ANKRD30B: variants seen among roughly 807,000 people sequenced by gnomAD.
ANKRD30B encodes ankyrin repeat domain 30B.
In ANKRD30B, 144 loss-of-function variants were observed where a neutral mutation model predicts 202.2. That is an observed-to-expected ratio of 0.71 (90% CI 0.62 to 0.82). ANKRD30B has a LOEUF of 0.82. Among genes scored for constraint, ANKRD30B ranks in the 40% least tolerant of loss-of-function variants. The probability of loss-of-function intolerance (pLI) is 0.00; values close to 1 mark genes in which losing one functional copy is unlikely to be tolerated. For synonymous variants in ANKRD30B, 508 were observed against 561.3 expected (o/e 0.91, Z 1.34); for missense variants, 1,487 against 1,669.1 (o/e 0.89, Z 1.90).
At chr18:14,817,250 A>T (rs1473408540) in intron 30 of ANKRD30B, among the ~76,000 whole-genome samples, 1 of 152,192 alleles carries the variant, frequency 6.6e-6, no homozygotes, top group East Asian at 1.9e-4. Flanking sequence ...AGTAATTAAA[A>T]TGCAAGGATT....
At chr18:14,864,533 C>T in the ANKRD30B span, among the ~76,000 whole-genome samples, 4 of 151,898 alleles carry the variant, frequency 2.6e-5, no homozygotes, top group Admixed American at 2.0e-4. Context: ...CCATTTTTTC[C>T]CCACTGTCTT....
At chr18:14,856,390 T>C (rs76263814), downstream of ANKRD30B, among the ~76,000 whole-genome samples, 1 of 113,648 alleles carries the variant, frequency 8.8e-6, no homozygotes, top group East Asian at 2.7e-4. Flanking sequence ...ATGGGGAGGC[T>C]GGGCAGAGGC....
chr18:14,776,599 C>A (rs963676197), intron 9 of ANKRD30B, among the ~76,000 whole-genome samples: 4 of 152,164 alleles, frequency 2.6e-5, no homozygotes, highest in Admixed American at 2.0e-4. Context: ...GGTAACCACC[C>A]ATGTCATCGT....
chr18:14,898,324 C>A, the ANKRD30B span, among the ~76,000 whole-genome samples: 1 of 152,136 alleles, frequency 6.6e-6, no homozygotes, highest in Non-Finnish European at 1.5e-5. Context: ...AACTGTTCCA[C>A]TTCAAATCGT....
the ANKRD30B span, among the ~76,000 whole-genome samples, chr18:14,925,812 C>G: frequency 6.6e-6 from 1 of 152,028 alleles, no homozygotes; most frequent in Non-Finnish European, 1.5e-5. Flanking sequence ...CCCAGAGGCC[C>G]GAGGGAGAGA....
intron 15 of ANKRD30B, among the ~76,000 whole-genome samples, chr18:14,789,760 T>C (rs1968339213): frequency 6.6e-6 from 1 of 152,340 alleles, no homozygotes; most frequent in African/African-American, 2.4e-5. Flanking sequence ...ATCTCTGTTT[T>C]GGTACCAGTA....
At chr18:14,934,759 A>G in the ANKRD30B span, among the ~76,000 whole-genome samples, 1 of 152,222 alleles carries the variant, frequency 6.6e-6, no homozygotes, top group Admixed American at 6.5e-5. Flanking sequence ...AGCAGCCAGA[A>G]CTGCTGAAAC....
chr18:14,898,966 G>C, the ANKRD30B span, among the ~76,000 whole-genome samples: 1 of 152,092 alleles, frequency 6.6e-6, no homozygotes, highest in East Asian at 1.9e-4. Flanking sequence ...ATCTCAGCAA[G>C]AACTGGACTG....
the ANKRD30B span, among the ~76,000 whole-genome samples, chr18:14,935,127 AG>A: frequency 3.9e-5 from 6 of 152,186 alleles, no homozygotes; most frequent in African/African-American, 1.4e-4. Flanking sequence ...ATAGCATGCT[AG>A]TCTCATGAAT....
chr18:14,810,444 G>A (rs1197729432), intron 28 of ANKRD30B, among the ~76,000 whole-genome samples: 4 of 151,158 alleles, frequency 2.6e-5, no homozygotes, highest in Non-Finnish European at 5.9e-5. Context: ...TGCAATTTCT[G>A]TACGTGCTCA....
At chr18:14,908,488 C>T in the ANKRD30B span, among the ~76,000 whole-genome samples, 34 of 152,198 alleles carry the variant, frequency 2.2e-4, no homozygotes, top group African/African-American at 7.5e-4. Flanking sequence ...TCTCATGAAA[C>T]TCCCTCAGCA....
chr18:14,795,231 C>T (rs1968795370), intron 16 of ANKRD30B, among the ~76,000 whole-genome samples: 2 of 152,218 alleles, frequency 1.3e-5, no homozygotes, highest in South Asian at 4.1e-4. Flanking sequence ...GAGTCTCGCT[C>T]TGTCATCCAG....
At chr18:14,782,707 C>G (rs747584085) in intron 12 of ANKRD30B, 93 bp downstream of exon 12, 45 of 696,174 alleles carry the variant, frequency 6.5e-5, no homozygotes, top group Middle Eastern at 3.1e-4. Context: ...ATAAAATTAC[C>G]CACTAAATAC....
intron 7 of ANKRD30B, among the ~76,000 whole-genome samples, chr18:14,768,362 A>G (rs1916578839): frequency 6.6e-6 from 1 of 152,168 alleles, no homozygotes; most frequent in Non-Finnish European, 1.5e-5. Flanking sequence ...ATAAACTGGT[A>G]AATGTGTTTC....
At chr18:14,831,892 G>T (rs1232211995) in intron 34 of ANKRD30B, among the ~76,000 whole-genome samples, 2 of 152,116 alleles carry the variant, frequency 1.3e-5, no homozygotes, top group Non-Finnish European at 2.9e-5. Context: ...AATGGATCCA[G>T]TTACTTATTA....
intron 42 of ANKRD30B, chr18:14,852,622 T>A: frequency 1.7e-6 from 1 of 573,874 alleles, no homozygotes; most frequent in Non-Finnish European, 2.6e-6. Context: ...ATTGTGTCAC[T>A]GATGAAATTA....
chr18:14,757,396 C>A (rs1914538290), intron 4 of ANKRD30B, among the ~76,000 whole-genome samples: 1 of 152,200 alleles, frequency 6.6e-6, no homozygotes, highest in African/African-American at 2.4e-5. Flanking sequence ...TTATCAACAT[C>A]ATTAACTAAA....
chr18:14,867,528 G>A, the ANKRD30B span, among the ~76,000 whole-genome samples: 28 of 151,888 alleles, frequency 1.8e-4, no homozygotes, highest in African/African-American at 3.6e-4. Context: ...CAGGGCCTTC[G>A]CACCCACCAT....
chr18:14,790,505 A>C (rs1316304714), intron 15 of ANKRD30B, among the ~76,000 whole-genome samples: 2 of 152,196 alleles, frequency 1.3e-5, no homozygotes, highest in Non-Finnish European at 2.9e-5. Flanking sequence ...TTGCCAATTC[A>C]GTATGATATT....
Sources: gnomAD v4.1 joint callset for allele counts (sites outside exome capture counted in the v4.1 genomes callset) on GRCh38, gnomAD v4.1.1 for gene constraint, MANE v1.5 for transcripts, NCBI Gene and HGNC (gene_info 2026-07-23, HGNC 2026-07-21) for gene names.